Variants in FLRT2 observed in about 807,000 individuals in gnomAD.
FLRT2 encodes the protein leucine-rich repeat transmembrane protein FLRT2.
Under a neutral mutation model 40.0 loss-of-function variants are expected in FLRT2, and 15 were observed. The observed-to-expected ratio is 0.38, with a 90% CI of 0.25 to 0.58. The LOEUF (loss-of-function observed/expected upper bound fraction) is 0.58, where lower values mean the gene tolerates loss of function less well. Among genes scored for constraint, FLRT2 ranks in the 20% least tolerant of loss-of-function variants. The probability of loss-of-function intolerance (pLI) is 0.71; values close to 1 mark genes in which losing one functional copy is unlikely to be tolerated. For synonymous variants in FLRT2, 380 were observed against 336.8 expected (o/e 1.13, Z -1.41); for missense variants, 726 against 840.0 (o/e 0.86, Z 1.68).
At chr14:85,586,693 T>C (rs1891629811) in intron 1 of FLRT2, among the ~76,000 whole-genome samples, 1 of 150,204 alleles carries the variant, frequency 6.7e-6, no homozygotes, top group Non-Finnish European at 1.5e-5. Context: ...AATATATATG[T>C]ACACACACAC....
At chr14:85,535,376 T>A (rs1483268028) in intron 1 of FLRT2, among the ~76,000 whole-genome samples, 1 of 148,382 alleles carries the variant, frequency 6.7e-6, no homozygotes, top group Non-Finnish European at 1.5e-5. Flanking sequence ...ACAACAACAT[T>A]TTGAGGTAAA....
intron 1 of FLRT2, among the ~76,000 whole-genome samples, chr14:85,609,718 A>G (rs748868232): frequency 1.3e-5 from 2 of 152,226 alleles, no homozygotes; most frequent in Non-Finnish European, 2.9e-5. Context: ...GCAGTGAGCC[A>G]TGAGCTGGGG....
intron 1 of FLRT2, among the ~76,000 whole-genome samples, chr14:85,535,664 A>T (rs1028841595): frequency 5.3e-5 from 8 of 151,204 alleles, no homozygotes; most frequent in Non-Finnish European, 8.9e-5. Context: ...GAAAGCCCGA[A>T]ACAGGATAGG....
rs993963540 is a variant in FLRT2 at position 85,649,015 on chromosome 14, T to C, written c.*25518T>C. 1 of 152,110 alleles carries C rather than the reference T, an allele frequency of 6.6e-6. No individual in the cohort carries two copies. Among genetic ancestry groups the C allele is most frequent in the South Asian group, 2.1e-4 (1 of 4,830 alleles). The allele number at this position is 152,110 out of a possible 1,614,324, so 9.4% of individuals were successfully genotyped here. ...TAGCACCCATGCAAAATATTTTGGC[T>C]ACAGGGAGTGCTCCAATTTTGATAC... On this transcript the variant is annotated 3_prime_UTR_variant, in exon 2 of 2. Coordinates refer to ENST00000330753, the MANE Select transcript of FLRT2 (RefSeq NM_013231.6).
chr14:85,581,580 G>A lies in FLRT2; in HGVS notation c.-376-39559G>A, dbSNP rs1490647018. ...TAAAAGAATATTAATGTTAGAAGTT[G>A]ACTCCAGAATGGAGACTTCCATTTT... On this transcript the variant is annotated intron_variant, in intron 1 of 1. Coordinates refer to ENST00000330753, the MANE Select transcript of FLRT2 (RefSeq NM_013231.6). 3.9e-5 allele frequency among the ~76,000 whole-genome samples: 6 copies of A among 152,226 alleles called. 1 individual carries two copies. The South Asian group carries it at 1.2e-3, about 32-fold the overall frequency.
At chr14:85,614,096 T>C (rs1444985926) in intron 1 of FLRT2, among the ~76,000 whole-genome samples, 2 of 152,176 alleles carry the variant, frequency 1.3e-5, no homozygotes, top group East Asian at 3.9e-4. Flanking sequence ...TACAGCCCTC[T>C]AACAACCGTG....
At chr14:85,560,696 T>G (rs993465629) in intron 1 of FLRT2, among the ~76,000 whole-genome samples, 1 of 151,724 alleles carries the variant, frequency 6.6e-6, no homozygotes, top group Non-Finnish European at 1.5e-5. Context: ...ATGTATGCTG[T>G]GTGACCAGGA....
intron 1 of FLRT2, among the ~76,000 whole-genome samples, chr14:85,603,288 C>T (rs751305334): frequency 6.6e-6 from 1 of 151,892 alleles, no homozygotes; most frequent in African/African-American, 2.4e-5. Context: ...AGATAGAGGC[C>T]CCTTTGTGTC....
At chr14:85,554,756 A>G (rs1404312713) in intron 1 of FLRT2, among the ~76,000 whole-genome samples, 1 of 152,230 alleles carries the variant, frequency 6.6e-6, no homozygotes, top group East Asian at 1.9e-4. Flanking sequence ...TTCTGATTAT[A>G]AAAATAGAGA....
At chr14:85,610,740 C>T (rs1483680761) in intron 1 of FLRT2, among the ~76,000 whole-genome samples, 4 of 152,174 alleles carry the variant, frequency 2.6e-5, no homozygotes, top group African/African-American at 9.7e-5. Flanking sequence ...AGCAAATCCT[C>T]ATTCTTTAGG....
chr14:85,586,081 A>G (rs913810617), intron 1 of FLRT2, among the ~76,000 whole-genome samples: 130 of 148,296 alleles, frequency 8.8e-4, no homozygotes, highest in African/African-American at 3.1e-3. Flanking sequence ...CAGTTTTTAT[A>G]TAGTCAGTGT....
intron 1 of FLRT2, among the ~76,000 whole-genome samples, chr14:85,538,061 C>A (rs1226913141): frequency 5.9e-5 from 9 of 152,070 alleles, no homozygotes; most frequent in Non-Finnish European, 1.5e-5. Context: ...TCTTGCAAGC[C>A]TCCCACTTAC....
At chr14:85,539,052 G>T (rs919196640) in intron 1 of FLRT2, among the ~76,000 whole-genome samples, 1 of 152,088 alleles carries the variant, frequency 6.6e-6, no homozygotes, top group South Asian at 2.1e-4. Flanking sequence ...GTGCATAGGG[G>T]CCATAGAGGT....
chr14:85,597,616 G>A (rs1892198558), intron 1 of FLRT2, among the ~76,000 whole-genome samples: 1 of 152,126 alleles, frequency 6.6e-6, no homozygotes, highest in Non-Finnish European at 1.5e-5. Context: ...GAGTGCAATG[G>A]CACGATCTCG....
rs1893767110 is a variant in FLRT2 at position 85,628,117 on chromosome 14, G to A, written c.*4620G>A. The A allele has an allele frequency of 6.6e-6, 1 of 152,160 alleles. No homozygotes were observed. Among genetic ancestry groups the A allele is most frequent in the Non-Finnish European group, 1.5e-5 (1 of 68,010 alleles). The allele number at this position is 152,160 out of a possible 1,614,324, so 9.4% of individuals were successfully genotyped here. The stretch of plus-strand genomic sequence containing the variant: ...TGAGGAGTTTATATGAAATCCTCAT[G>A]TTCTTTTAAATTTCCCAACTAAATT... On this transcript the variant is annotated 3_prime_UTR_variant, in exon 2 of 2. Transcript: ENST00000330753.
intron 1 of FLRT2, among the ~76,000 whole-genome samples, chr14:85,584,929 T>C (rs1449934281): frequency 2.3e-5 from 1 of 42,928 alleles, no homozygotes; most frequent in Admixed American, 3.5e-4. Context: ...GGGAGGTGGG[T>C]GGCAGGGCGG....
At chr14:85,546,575 C>T (rs1052007576) in intron 1 of FLRT2, among the ~76,000 whole-genome samples, 5 of 152,214 alleles carry the variant, frequency 3.3e-5, no homozygotes, top group African/African-American at 7.2e-5. Context: ...GGTGTTTCTT[C>T]TGTCTATGGA....
chr14:85,594,067 C>CAT (rs1892025988), intron 1 of FLRT2, among the ~76,000 whole-genome samples: 1 of 148,064 alleles, frequency 6.8e-6, no homozygotes, highest in Admixed American at 6.8e-5. Context: ...CAAAACAAAA[C>CAT]ATATATATAT....
chr14:85,602,494 G>T lies in FLRT2; in HGVS notation c.-376-18645G>T, dbSNP rs1268759344. Among the ~76,000 whole-genome samples the T allele has an allele frequency of 2.0e-5, 3 of 152,206 alleles. No homozygotes were observed. The East Asian group carries it at 5.8e-4, about 29-fold the overall frequency. Reference sequence around the variant, plus strand: ...GAGAAATCAGGATTGATTACGTTATGTGCTCTCTTTGTCTTCCTCCGGGTT... The same window carrying T: ...GAGAAATCAGGATTGATTACGTTATTTGCTCTCTTTGTCTTCCTCCGGGTT... On this transcript the variant is annotated intron_variant, in intron 1 of 1. Coordinates refer to ENST00000330753, the MANE Select transcript of FLRT2 (RefSeq NM_013231.6).
Sources: allele counts gnomAD v4.1 joint callset (sites outside exome capture counted in the v4.1 genomes callset), GRCh38; gene constraint gnomAD v4.1.1; transcripts MANE v1.5; gene names NCBI Gene and HGNC (gene_info 2026-07-23, HGNC 2026-07-21).